SLC12A6: variants seen among roughly 807,000 people sequenced by gnomAD.
SLC12A6 encodes solute carrier family 12 member 6, also known as K-Cl cotransporter 3.
Under a neutral mutation model 135.3 loss-of-function variants are expected in SLC12A6, and 66 were observed. The ratio of observed to expected loss-of-function variants is 0.49; its 90% CI spans 0.40 to 0.60. The LOEUF (loss-of-function observed/expected upper bound fraction) is 0.60, where lower values mean the gene tolerates loss of function less well. Ranked by LOEUF, SLC12A6 falls within the 20% of genes least tolerant of loss-of-function variation. The pLI, the probability that SLC12A6 is intolerant of heterozygous loss-of-function variation, is 0.00. For synonymous variants in SLC12A6, 513 were observed against 508.8 expected (o/e 1.01, Z -0.11); for missense variants, 1,058 against 1,452.3 (o/e 0.73, Z 4.41).
At chr15:34,274,629 A>G (rs977301021) in intron 3 of SLC12A6, among the ~76,000 whole-genome samples, 2 of 152,118 alleles carry the variant, frequency 1.3e-5, no homozygotes, top group Admixed American at 6.5e-5. Flanking sequence ...CCTGGCCGAC[A>G]TGGTGAAACC....
intron 2 of SLC12A6, among the ~76,000 whole-genome samples, chr15:34,321,344 TAGTA>T (rs1218093175): frequency 1.3e-5 from 2 of 152,162 alleles, no homozygotes; most frequent in Admixed American, 1.3e-4. Context: ...GAGAGAAAAC[TAGTA>T]AAGCTGAGGT....
intron 6 of SLC12A6, among the ~76,000 whole-genome samples, chr15:34,256,512 G>C (rs570812004): frequency 6.6e-6 from 1 of 152,228 alleles, no homozygotes; most frequent in East Asian, 1.9e-4. Flanking sequence ...CAGTAGGTCA[G>C]GTGCTATTAA....
intron 2 of SLC12A6, among the ~76,000 whole-genome samples, chr15:34,280,725 G>C (rs1894620858): frequency 6.6e-6 from 1 of 152,146 alleles, no homozygotes; most frequent in African/African-American, 2.4e-5. Context: ...AGAGACACCT[G>C]CACTGCATGT....
chr15:34,318,628 C>T (rs760351860), intron 2 of SLC12A6: 50 of 1,613,382 alleles, frequency 3.1e-5, no homozygotes, highest in Non-Finnish European at 3.7e-5. Context: ...AGATCGAAGC[C>T]GCTGCCCCCT....
intron 2 of SLC12A6, among the ~76,000 whole-genome samples, chr15:34,286,283 C>T (rs1895072280): frequency 6.6e-6 from 1 of 151,500 alleles, no homozygotes; most frequent in Admixed American, 6.6e-5. Flanking sequence ...ACCATATTGT[C>T]CAGGCTGGCC....
intron 3 of SLC12A6, among the ~76,000 whole-genome samples, chr15:34,261,840 A>C (rs997638382): frequency 8.5e-5 from 13 of 152,212 alleles, no homozygotes; most frequent in African/African-American, 3.1e-4. Flanking sequence ...GCAATTATTA[A>C]AAAGTCAAAA....
chr15:34,267,276 G>C (rs1358478495), intron 3 of SLC12A6, among the ~76,000 whole-genome samples: 2 of 150,006 alleles, frequency 1.3e-5, no homozygotes, highest in Non-Finnish European at 3.0e-5. Context: ...TATTAGAGTT[G>C]TTTTATTGAG....
intron 2 of SLC12A6, among the ~76,000 whole-genome samples, chr15:34,297,783 G>A (rs1463389768): frequency 6.6e-6 from 1 of 152,184 alleles, no homozygotes. Context: ...GAAAATCTTG[G>A]AAGGCAAATA....
At chr15:34,320,454 T>C (rs977722749) in intron 2 of SLC12A6, among the ~76,000 whole-genome samples, 4 of 151,814 alleles carry the variant, frequency 2.6e-5, no homozygotes, top group Admixed American at 2.6e-4. Flanking sequence ...CTCATGAATA[T>C]AGAAAGTAGA....
At chr15:34,251,085 C>G in intron 10 of SLC12A6, 28 bp from the exon 11 acceptor site, 1 of 1,491,642 alleles carries the variant, frequency 6.7e-7, no homozygotes, top group Non-Finnish European at 9.2e-7. Context: ...GGAATTTAAG[C>G]AGCAGCAGTA....
At chr15:34,283,208 T>C (rs1231201613) in intron 2 of SLC12A6, among the ~76,000 whole-genome samples, 1 of 152,122 alleles carries the variant, frequency 6.6e-6, no homozygotes, top group South Asian at 2.1e-4. Flanking sequence ...CCAGGCATGG[T>C]GGCAGGCACC....
intron 2 of SLC12A6, among the ~76,000 whole-genome samples, chr15:34,321,094 T>C (rs1291127718): frequency 6.6e-6 from 1 of 152,098 alleles, no homozygotes; most frequent in Non-Finnish European, 1.5e-5. Flanking sequence ...ACTAAGAAAC[T>C]TGCCCAAAGT....
intron 10 of SLC12A6, 104 bp downstream of exon 10, chr15:34,252,066 C>T: frequency 2.8e-6 from 2 of 705,840 alleles, no homozygotes; most frequent in Non-Finnish European, 5.2e-6. Context: ...AGGGAATTAG[C>T]ACCATGGCAG....
chr15:34,333,450 C>T (rs927078038), intron 2 of SLC12A6, among the ~76,000 whole-genome samples: 1 of 151,850 alleles, frequency 6.6e-6, no homozygotes, highest in African/African-American at 2.4e-5. Context: ...AGGCTGGTCT[C>T]GGACTCCTGA....
chr15:34,245,573 T>C (rs1019217638), intron 14 of SLC12A6, 120 bp downstream of exon 14: 3 of 983,730 alleles, frequency 3.0e-6, no homozygotes, highest in African/African-American at 1.6e-5. Context: ...TTAGAGGTTC[T>C]TGTACTAAAA....
intron 2 of SLC12A6, among the ~76,000 whole-genome samples, chr15:34,335,839 T>C (rs1890160630): frequency 6.6e-6 from 1 of 152,210 alleles, no homozygotes; most frequent in African/African-American, 2.4e-5. Context: ...AGTCTTCCAT[T>C]TGACAGAATA....
At chr15:34,248,531 T>C (rs1402784658) in intron 13 of SLC12A6, among the ~76,000 whole-genome samples, 1 of 151,166 alleles carries the variant, frequency 6.6e-6, no homozygotes, top group Non-Finnish European at 1.5e-5. Flanking sequence ...GGTATAGTAA[T>C]ATACTATACT....
chr15:34,241,643 A>G (rs542349339), intron 17 of SLC12A6, among the ~76,000 whole-genome samples: 3 of 152,362 alleles, frequency 2.0e-5, no homozygotes, highest in African/African-American at 7.2e-5. Flanking sequence ...AAATTATAAC[A>G]GACCTGGAGT....
intron 2 of SLC12A6, among the ~76,000 whole-genome samples, chr15:34,333,167 A>T (rs1889967524): frequency 6.6e-6 from 1 of 152,186 alleles, no homozygotes; most frequent in African/African-American, 2.4e-5. Context: ...ATAAATACTT[A>T]AAAGTTGTAT....
Sources: gnomAD v4.1 joint callset for allele counts (sites outside exome capture counted in the v4.1 genomes callset) on GRCh38, gnomAD v4.1.1 for gene constraint, MANE v1.5 for transcripts, NCBI Gene and HGNC (gene_info 2026-07-23, HGNC 2026-07-21) for gene names.